ASTN2: variants seen among roughly 807,000 people sequenced by gnomAD.
The protein encoded by ASTN2 is astrotactin 2.
Under a neutral mutation model 139.8 loss-of-function variants are expected in ASTN2, and 54 were observed. The ratio of observed to expected loss-of-function variants is 0.39; its 90% CI spans 0.31 to 0.48. The LOEUF (loss-of-function observed/expected upper bound fraction) is 0.48, where lower values mean the gene tolerates loss of function less well. ASTN2 is among the 20% of genes least tolerant of loss of function. The pLI is 0.95. For synonymous variants in ASTN2, 756 were observed against 719.5 expected (o/e 1.05, Z -0.81); for missense variants, 1,565 against 1,725.1 (o/e 0.91, Z 1.64).
chr9:117,390,232 G>A (rs1830506721), intron 1 of ASTN2, among the ~76,000 whole-genome samples: 1 of 152,126 alleles, frequency 6.6e-6, no homozygotes, highest in Admixed American at 6.6e-5. Flanking sequence ...TGATGAGAAA[G>A]TACAGAGAAT....
intron 19 of ASTN2, among the ~76,000 whole-genome samples, chr9:116,487,861 T>A: frequency 6.6e-6 from 1 of 151,982 alleles, no homozygotes; most frequent in Non-Finnish European, 1.5e-5. Flanking sequence ...TCACTCCCTG[T>A]TAACTCCTTG....
chr9:117,057,263 G>T (rs758752306), intron 5 of ASTN2, among the ~76,000 whole-genome samples: 15 of 152,188 alleles, frequency 9.9e-5, no homozygotes, highest in African/African-American at 2.4e-4. Flanking sequence ...TTATAAAAAT[G>T]CTTCCTACCC....
In ASTN2 at chr9:117,274,264, C is replaced by T. The variant is rs113904746; in HGVS notation, c.630+17062G>A. ...ACTCAGGAGGCTGAGGCAGGAGAAT[C>T]GCCTGACTCTGGGAGGTAGAGGTTG... On this transcript the variant is annotated intron_variant, in intron 2 of 22. Coordinates refer to ENST00000313400, the MANE Select transcript of ASTN2 (RefSeq NM_001365068.1). Among the ~76,000 whole-genome samples the T allele has an allele frequency of 4.3e-3, 652 of 152,246 alleles. 6 individuals are homozygous for T. The highest frequency in any genetic ancestry group is 0.015 in the African/African-American group (623 of 41,538).
chr9:116,598,871 T>C (rs952974223), intron 19 of ASTN2, among the ~76,000 whole-genome samples: 17 of 152,178 alleles, frequency 1.1e-4, no homozygotes, highest in African/African-American at 3.6e-4. Flanking sequence ...GGGGCACACA[T>C]GAACGTTTAA....
intron 3 of ASTN2, among the ~76,000 whole-genome samples, chr9:117,186,034 A>G (rs1471763073): frequency 1.3e-5 from 2 of 152,224 alleles, no homozygotes; most frequent in African/African-American, 4.8e-5. Flanking sequence ...AAGGTCACAC[A>G]GACCTAGCTT....
chr9:117,087,361 A>C, intron 5 of ASTN2, among the ~76,000 whole-genome samples: 1 of 152,002 alleles, frequency 6.6e-6, no homozygotes, highest in East Asian at 1.9e-4. Context: ...CAGCCTCCTG[A>C]GTAGCTGAAA....
chr9:117,047,929 T>G (rs1838792656), intron 5 of ASTN2, among the ~76,000 whole-genome samples: 1 of 152,174 alleles, frequency 6.6e-6, no homozygotes, highest in Non-Finnish European at 1.5e-5. Flanking sequence ...TAGAACTAAA[T>G]TTTTGCATGC....
At position 117,068,685 on chromosome 9, in the gene ASTN2, C is replaced by A. The variant is rs368659280; in HGVS notation, c.1276+27359G>T. Among the ~76,000 whole-genome samples, 8 of 108,932 alleles carry A rather than the reference C, an allele frequency of 7.3e-5. 1 individual carries two copies. Among genetic ancestry groups the A allele is most frequent in the South Asian group, 3.4e-4 (1 of 2,908 alleles). 71.5% of individuals were successfully genotyped at this position (108,932 alleles called of 152,430 possible). A position where few individuals can be genotyped will look rare whatever the true frequency, so the allele number is the denominator to read the frequency against. The stretch of plus-strand genomic sequence containing the variant: ...GTATTGATTATTGCCACAATTTCAG[C>A]TCCTGTTATTGGTCTATTCAGAGAT... On this transcript the variant is annotated intron_variant, in intron 5 of 22. Transcript: ENST00000313400.
At chr9:117,157,067 G>A (rs982243813) in intron 3 of ASTN2, among the ~76,000 whole-genome samples, 5 of 152,042 alleles carry the variant, frequency 3.3e-5, no homozygotes, top group African/African-American at 7.2e-5. Flanking sequence ...CTAGCTCTCC[G>A]CAGAAGAAAG....
chr9:116,903,713 AG>A (rs1353544261), intron 10 of ASTN2, among the ~76,000 whole-genome samples: 2 of 152,092 alleles, frequency 1.3e-5, no homozygotes, highest in Admixed American at 1.3e-4. Flanking sequence ...GAAAGAGCTC[AG>A]CCCAGGGTGT....
intron 16 of ASTN2, among the ~76,000 whole-genome samples, chr9:116,720,118 C>T (rs974404662): frequency 6.6e-6 from 1 of 152,272 alleles, no homozygotes; most frequent in East Asian, 1.9e-4. Flanking sequence ...ATAATCATTC[C>T]CTTCTCCTCC....
At chr9:117,074,310 G>A (rs954423758) in intron 5 of ASTN2, among the ~76,000 whole-genome samples, 2 of 152,186 alleles carry the variant, frequency 1.3e-5, no homozygotes, top group Non-Finnish European at 2.9e-5. Context: ...AGAAAGGAAC[G>A]AGGGTTTGAT....
chr9:116,454,295 CAG>C lies in ASTN2; in HGVS notation c.3498-11744_3498-11743del, dbSNP rs533827012. Among the ~76,000 whole-genome samples, 249 of 152,028 alleles carry C rather than the reference CAG, an allele frequency of 1.6e-3. 3 individuals carry two copies. The highest frequency in any genetic ancestry group is 5.2e-3 in the African/African-American group (217 of 41,438). ...CCTATGACAAAGTAGAATTTGATAA[CAG>C]AGATATCAAAGTAGAAATAGATAAT... On this transcript the variant is annotated intron_variant, in intron 20 of 22. Transcript: ENST00000313400.
chr9:116,907,497 G>C (rs951069004), intron 10 of ASTN2, among the ~76,000 whole-genome samples: 2 of 152,194 alleles, frequency 1.3e-5, no homozygotes, highest in East Asian at 3.9e-4. Context: ...CTGCACCTTT[G>C]TCTGGAAAGG....
intron 6 of ASTN2, among the ~76,000 whole-genome samples, chr9:117,008,736 C>T (rs1233916045): frequency 6.6e-6 from 1 of 152,118 alleles, no homozygotes; most frequent in East Asian, 1.9e-4. Context: ...GCTAATGTCC[C>T]TGTCACTCAG....
At chr9:117,069,423 T>C (rs200503907) in intron 5 of ASTN2, among the ~76,000 whole-genome samples, 6,216 of 67,506 alleles carry the variant, frequency 0.092, 7 homozygotes, top group East Asian at 0.13. Flanking sequence ...AGAGCTTTAC[T>C]TCCAAGTATG....
At chr9:117,224,402 A>C (rs1832632331) in intron 2 of ASTN2, among the ~76,000 whole-genome samples, 1 of 152,174 alleles carries the variant, frequency 6.6e-6, no homozygotes, top group South Asian at 2.1e-4. Flanking sequence ...CCTAAAAAAA[A>C]ATTTGATACA....
chr9:116,914,562 A>ATTATTG (rs1381792313), intron 10 of ASTN2, among the ~76,000 whole-genome samples: 5 of 148,302 alleles, frequency 3.4e-5, no homozygotes, highest in Admixed American at 6.7e-5. Flanking sequence ...TATTATTATT[A>ATTATTG]TTATTATTAT....
At chr9:117,193,638 C>T (rs1486856629) in intron 3 of ASTN2, among the ~76,000 whole-genome samples, 1 of 8,548 alleles carries the variant, frequency 1.2e-4, no homozygotes, top group African/African-American at 4.2e-4. Context: ...GATTCAGTCA[C>T]CAAAAAAAAA....
Sources: gnomAD v4.1 joint callset for allele counts (sites outside exome capture counted in the v4.1 genomes callset) on GRCh38, gnomAD v4.1.1 for gene constraint, MANE v1.5 for transcripts, NCBI Gene and HGNC (gene_info 2026-07-23, HGNC 2026-07-21) for gene names.